The following CTNNA3 variants were observed in gnomAD, a reference collection of about 807,000 sequenced individuals.
CTNNA3 encodes catenin alpha 3.
CTNNA3 carries 76 observed loss-of-function variants against 95.7 expected under a neutral mutation model. That is an observed-to-expected ratio of 0.79 (90% CI 0.66 to 0.96). The LOEUF is 0.96. CTNNA3 is among the 40% of genes least tolerant of loss of function. The pLI is 0.00. For missense variants in CTNNA3, 1,191 were observed against 1,089.8 expected (o/e 1.09, Z -1.31); for synonymous variants, 431 against 374.4 (o/e 1.15, Z -1.74).
At chr10:66,258,278 G>T (rs190448331) in intron 13 of CTNNA3, among the ~76,000 whole-genome samples, 1 of 152,286 alleles carries the variant, frequency 6.6e-6, no homozygotes, top group Admixed American at 6.5e-5. Context: ...AATATTCACA[G>T]AAAGCGTTCA....
intron 5 of CTNNA3, among the ~76,000 whole-genome samples, chr10:67,254,141 T>C (rs1323978407): frequency 1.3e-5 from 2 of 152,064 alleles, no homozygotes; most frequent in African/African-American, 2.4e-5. Context: ...ACCTTTCATA[T>C]GGAAAATACT....
At chr10:67,632,579 G>C (rs139928386) in intron 2 of CTNNA3, among the ~76,000 whole-genome samples, 1 of 152,116 alleles carries the variant, frequency 6.6e-6, no homozygotes, top group Non-Finnish European at 1.5e-5. Flanking sequence ...GGAGCAGCAC[G>C]GAGCCAAATG....
chr10:66,323,983 T>C (rs10997063), intron 12 of CTNNA3, among the ~76,000 whole-genome samples: 47,773 of 151,608 alleles, frequency 0.32, 8,357 homozygotes, highest in Non-Finnish European at 0.39. Flanking sequence ...AGATCATCTT[T>C]CCACTCCATC....
At chr10:66,780,815 T>C (rs949197852) in intron 7 of CTNNA3, among the ~76,000 whole-genome samples, 4 of 152,200 alleles carry the variant, frequency 2.6e-5, no homozygotes, top group African/African-American at 9.7e-5. Context: ...TTTTGGCAGA[T>C]CCCATTACGT....
At chr10:66,560,572 A>G (rs1237958887) in intron 10 of CTNNA3, among the ~76,000 whole-genome samples, 1 of 152,034 alleles carries the variant, frequency 6.6e-6, no homozygotes, top group Non-Finnish European at 1.5e-5. Flanking sequence ...TCATTTGGGA[A>G]TCTACAGCTT....
intron 3 of CTNNA3, among the ~76,000 whole-genome samples, chr10:67,600,774 T>C (rs1309293512): frequency 1.3e-5 from 2 of 152,198 alleles, no homozygotes; most frequent in East Asian, 1.9e-4. Context: ...ATAATAGCAA[T>C]GCTCATTAAA....
At chr10:67,427,533 T>C (rs2083387220) in intron 5 of CTNNA3, among the ~76,000 whole-genome samples, 1 of 152,074 alleles carries the variant, frequency 6.6e-6, no homozygotes, top group South Asian at 2.1e-4. Context: ...GAAAGCTCAC[T>C]GCCTTCTCGA....
At chr10:66,935,903 C>A (rs1282681855) in intron 7 of CTNNA3, among the ~76,000 whole-genome samples, 2 of 151,942 alleles carry the variant, frequency 1.3e-5, no homozygotes, top group Admixed American at 6.6e-5. Context: ...ATTTATACCC[C>A]ACCCACAAAA....
chr10:67,478,415 A>G (rs1312057896), intron 5 of CTNNA3, among the ~76,000 whole-genome samples: 2 of 152,216 alleles, frequency 1.3e-5, no homozygotes, highest in African/African-American at 4.8e-5. Flanking sequence ...GGGGAATCCC[A>G]TCAGGCTAAC....
Position 67,163,931 on chromosome 10 carries a change from C to T in CTNNA3, c.1047+16386G>A, listed in dbSNP as rs553810568. 4.9e-4 allele frequency among the ~76,000 whole-genome samples: 74 copies of T among 151,902 alleles called. 2 individuals are homozygous for T. The South Asian group carries it at 0.013, about 26-fold the overall frequency. On this transcript the variant is annotated intron_variant, in intron 7 of 17. Coordinates refer to ENST00000433211, the MANE Select transcript of CTNNA3 (RefSeq NM_013266.4). ...AGGTATAAGTCTAATAAAACGTGTA[C>T]GACTTCTATACTGAAAACTGCAAAA...
At chr10:67,720,974 T>A (rs1841176822) in intron 1 of CTNNA3, among the ~76,000 whole-genome samples, 1 of 152,098 alleles carries the variant, frequency 6.6e-6, no homozygotes, top group African/African-American at 2.4e-5. Flanking sequence ...ATGTTGAATA[T>A]TGGCCCCCAC....
At chr10:66,696,535 T>A (rs555862444) in intron 9 of CTNNA3, among the ~76,000 whole-genome samples, 1 of 152,284 alleles carries the variant, frequency 6.6e-6, no homozygotes, top group African/African-American at 2.4e-5. Context: ...TATGATCCCA[T>A]CACCAAGTGA....
chr10:66,198,225 CT>C (rs1227830585), intron 13 of CTNNA3, among the ~76,000 whole-genome samples: 1 of 152,086 alleles, frequency 6.6e-6, no homozygotes, highest in East Asian at 1.9e-4. Flanking sequence ...CCAAGGAAAG[CT>C]TTTTTCCTTA....
intron 7 of CTNNA3, among the ~76,000 whole-genome samples, chr10:66,842,534 T>C (rs958138762): frequency 3.9e-5 from 6 of 152,132 alleles, no homozygotes; most frequent in Non-Finnish European, 4.4e-5. Flanking sequence ...AGTGTGGTTA[T>C]GTAGCCACAA....
At chr10:66,712,606 T>C (rs12765944) in intron 9 of CTNNA3, among the ~76,000 whole-genome samples, 4 of 149,264 alleles carry the variant, frequency 2.7e-5, no homozygotes. Context: ...TCTCTCTCTC[T>C]CTCACACACA....
intron 10 of CTNNA3, among the ~76,000 whole-genome samples, chr10:66,580,629 G>A (rs766890898): frequency 4.3e-4 from 66 of 151,726 alleles, no homozygotes; most frequent in Non-Finnish European, 7.7e-4. Context: ...ATGTTTGAAT[G>A]AGATGGAGAC....
At chr10:67,005,079 G>A (rs1851893440) in intron 7 of CTNNA3, among the ~76,000 whole-genome samples, 1 of 152,124 alleles carries the variant, frequency 6.6e-6, no homozygotes, top group African/African-American at 2.4e-5. Context: ...TTTCCTACAA[G>A]CTCCTTTTCC....
At chr10:66,714,903 C>T (rs75851601) in intron 9 of CTNNA3, among the ~76,000 whole-genome samples, 11 of 152,226 alleles carry the variant, frequency 7.2e-5, no homozygotes, top group African/African-American at 2.6e-4. Context: ...CTTGGGAAGA[C>T]GTGTAATACC....
chr10:67,161,287 C>T (rs1165752345), intron 7 of CTNNA3, among the ~76,000 whole-genome samples: 1 of 151,896 alleles, frequency 6.6e-6, no homozygotes, highest in Non-Finnish European at 1.5e-5. Flanking sequence ...TAAAAATACA[C>T]TTCTTTCTTC....
Sources: allele counts gnomAD v4.1 joint callset (sites outside exome capture counted in the v4.1 genomes callset), GRCh38; gene constraint gnomAD v4.1.1; transcripts MANE v1.5; gene names NCBI Gene and HGNC (gene_info 2026-07-23, HGNC 2026-07-21).